Variants in PACRGL observed in about 807,000 individuals in gnomAD.
The protein encoded by PACRGL is parkin coregulated like, also known as PACRG-like protein.
PACRGL carries 38 observed loss-of-function variants against 34.5 expected under a neutral mutation model. That is an observed-to-expected ratio of 1.10 (90% CI 0.85 to 1.44). The LOEUF is 1.44. PACRGL is among the 40% of genes most tolerant of loss of function. The probability of loss-of-function intolerance (pLI) is 0.00; values close to 1 mark genes in which losing one functional copy is unlikely to be tolerated. For missense variants in PACRGL, 305 were observed against 281.4 expected, an observed-to-expected ratio of 1.08 and a Z score of -0.60; for synonymous variants, 128 against 100.1, an observed-to-expected ratio of 1.28 and a Z score of -1.66.
At chr4:20,717,145 C>T (rs925187164) in intron 7 of PACRGL, among the ~76,000 whole-genome samples, 1 of 152,138 alleles carries the variant, frequency 6.6e-6, no homozygotes, top group South Asian at 2.1e-4. Context: ...TGAGAAGTGT[C>T]TGTTCGTATC....
chr4:20,735,402 C>A (rs1422668443), downstream of PACRGL, among the ~76,000 whole-genome samples: 1 of 152,072 alleles, frequency 6.6e-6, no homozygotes, highest in Non-Finnish European at 1.5e-5. Flanking sequence ...TTATAACAGT[C>A]CTTGGCAATG....
chr4:20,724,210 C>T (rs1744705897), intron 7 of PACRGL, among the ~76,000 whole-genome samples: 1 of 152,142 alleles, frequency 6.6e-6, no homozygotes. Context: ...GGCTTCTGCT[C>T]TGGGATTCTG....
Position 20,704,521 on chromosome 4 carries a change from A to C in PACRGL, c.40A>C (p.Asn14His), listed in dbSNP as rs199743407. 6.2e-7 allele frequency: 1 copy of C among 1,614,066 alleles called. No homozygotes were observed. The highest frequency in any genetic ancestry group is 2.2e-5 in the East Asian group (1 of 44,862). ...SEGSGGTQLK[N>H]RATGNYDQRT... ...GGGCTCTGGAGGTACACAGTTGAAA[A>C]ACAGAGCAACAGGTACAGAGCTTTT... The change falls in exon 2 of 9, where the codon AAC becomes CAC. Residue 14 changes from asparagine to histidine, a missense_variant. Physicochemically the swap from Asn to His is moderately conservative, Grantham distance 68 (BLOSUM62 1). Coordinates refer to ENST00000503585, the MANE Select transcript of PACRGL (RefSeq NM_001258345.3).
intron 1 of PACRGL, chr4:20,701,864 C>G (rs764183526): frequency 4.4e-5 from 20 of 456,248 alleles, no homozygotes; most frequent in Non-Finnish European, 8.4e-5. Context: ...TACGGAGAGC[C>G]AACTGTAATT....
chr4:20,741,740 A>C (rs1488621190), intron 8 of PACRGL, among the ~76,000 whole-genome samples: 2 of 152,232 alleles, frequency 1.3e-5, no homozygotes, highest in African/African-American at 4.8e-5. Context: ...TGAAGGAGAC[A>C]GAGACACAAA....
chr4:20,704,261 A>G (rs555507291), intron 1 of PACRGL, among the ~76,000 whole-genome samples: 1 of 152,252 alleles, frequency 6.6e-6, no homozygotes, highest in East Asian at 1.9e-4. Flanking sequence ...TTTCTTGGAG[A>G]TGATTATTTT....
chr4:20,759,040 T>C, the PACRGL span: 1 of 582,346 alleles, frequency 1.7e-6, no homozygotes, highest in Non-Finnish European at 3.0e-6. Flanking sequence ...AAAAGCACAC[T>C]ATAAACTTAT....
chr4:20,763,034 C>T, the PACRGL span, among the ~76,000 whole-genome samples: 5 of 152,102 alleles, frequency 3.3e-5, no homozygotes, highest in African/African-American at 1.2e-4. Flanking sequence ...CCACTTATCA[C>T]GAGAACAGCA....
downstream of PACRGL, among the ~76,000 whole-genome samples, chr4:20,753,302 A>G (rs895874354): frequency 1.3e-5 from 2 of 152,230 alleles, no homozygotes; most frequent in East Asian, 1.9e-4. Context: ...ACTAGAGTAG[A>G]AAAAACCCCT....
At chr4:20,708,666 C>T (rs1432336120) in intron 4 of PACRGL, among the ~76,000 whole-genome samples, 3 of 151,934 alleles carry the variant, frequency 2.0e-5, no homozygotes, top group African/African-American at 4.8e-5. Flanking sequence ...AGACGTCTTA[C>T]TCTTATGAAA....
At position 20,709,835 on chromosome 4, in the gene PACRGL, T is replaced by A. The variant is rs1187969075; in HGVS notation, c.366+62T>A. 2.2e-6 allele frequency: 3 copies of A among 1,364,476 alleles called. No individual in the cohort carries two copies. In the Admixed American group the frequency reaches 5.3e-5, roughly 24 times the overall value. The allele number at this position is 1,364,476 out of a possible 1,614,324, so 84.5% of individuals were successfully genotyped here. On this transcript the variant is annotated intron_variant, in intron 5 of 8. Coordinates refer to ENST00000503585, the MANE Select transcript of PACRGL (RefSeq NM_001258345.3). ...AAACATTAAAAATTGCATTAAATGC[T>A]ACTTTGTAGCTTGTCAGTAAATTTC...
At chr4:20,745,386 A>G (rs1374843182) in intron 8 of PACRGL, among the ~76,000 whole-genome samples, 1 of 152,302 alleles carries the variant, frequency 6.6e-6, no homozygotes, top group Non-Finnish European at 1.5e-5. Context: ...CTGTGGGATG[A>G]TATCAGTAAA....
In PACRGL at chr4:20,727,425, G is replaced by A. The variant is rs1746239651; in HGVS notation, c.*84G>A. On this transcript the variant is annotated 3_prime_UTR_variant, in exon 9 of 9. Coordinates refer to ENST00000503585, the MANE Select transcript of PACRGL (RefSeq NM_001258345.3). ...GGGTACTCATTTATTTTATTCTTTT[G>A]TAAATCACAGCCACCATTCATTATT... 2 of 1,113,862 alleles carry A rather than the reference G, an allele frequency of 1.8e-6. No homozygotes were observed. Among genetic ancestry groups the A allele is most frequent in the African/African-American group, 3.1e-5 (2 of 64,838 alleles). The allele number at this position is 1,113,862 out of a possible 1,614,324, so 69.0% of individuals were successfully genotyped here.
At chr4:20,711,024 CA>C (rs775874983) in intron 5 of PACRGL, among the ~76,000 whole-genome samples, 4 of 150,684 alleles carry the variant, frequency 2.7e-5, no homozygotes, top group Non-Finnish European at 4.4e-5. Context: ...CCTGTCTCTA[CA>C]AAAAAGAAAA....
chr4:20,734,874 A>G (rs2149274850), downstream of PACRGL: 2 of 479,830 alleles, frequency 4.2e-6, no homozygotes, highest in East Asian at 3.6e-5. Context: ...TTGGTTGTCT[A>G]GTTTTCAGAC....
At chr4:20,709,973 A>G (rs1372490637) in intron 5 of PACRGL, 200 bp downstream of exon 5, 3 of 486,794 alleles carry the variant, frequency 6.2e-6, no homozygotes, top group Admixed American at 7.5e-5. Flanking sequence ...GAGCTTTATA[A>G]ACATGGAATT....
rs761685422 is a variant in PACRGL at position 20,731,962 on chromosome 4, G to T, written c.*4621G>T. On this transcript the variant is annotated 3_prime_UTR_variant, in exon 9 of 9. Transcript: ENST00000503585. ...CTAGCTGCTAATACTCAGTTTAGCTGTTATGATAGCTGAATTGATAGTTAT... is the reference window on the plus strand; with the variant it reads ...CTAGCTGCTAATACTCAGTTTAGCTTTTATGATAGCTGAATTGATAGTTAT... The T allele has an allele frequency of 1.1e-5, 17 of 1,609,968 alleles. No homozygotes were observed. In the African/African-American group the frequency reaches 2.0e-4, roughly 19 times the overall value.
intron 8 of PACRGL, among the ~76,000 whole-genome samples, chr4:20,751,476 T>C (rs1292466813): frequency 6.6e-6 from 1 of 152,160 alleles, no homozygotes; most frequent in Non-Finnish European, 1.5e-5. Context: ...CTTCTTGAAC[T>C]ATATAGTGCC....
In PACRGL at chr4:20,732,121, A is replaced by C; in HGVS notation, c.*4780A>C. 1 of 1,211,428 alleles carries C rather than the reference A, an allele frequency of 8.3e-7. No individual in the cohort carries two copies. The highest frequency in any genetic ancestry group is 1.8e-5 in the Admixed American group (1 of 55,434). The allele number at this position is 1,211,428 out of a possible 1,614,324, so 75.0% of individuals were successfully genotyped here. On this transcript the variant is annotated 3_prime_UTR_variant, in exon 9 of 9. Transcript: ENST00000503585. ...TTTAGACTTATCCCTTAATACCCTC[A>C]CACCTGGACCAAATGAGCTGAAGCT...
Sources: gnomAD v4.1 joint callset for allele counts (sites outside exome capture counted in the v4.1 genomes callset) on GRCh38, gnomAD v4.1.1 for gene constraint, MANE v1.5 for transcripts, NCBI Gene and HGNC (gene_info 2026-07-23, HGNC 2026-07-21) for gene names.